Variants in RHBDD1 observed in about 807,000 individuals in gnomAD.
RHBDD1 encodes rhomboid-related protein 4.
Under a neutral mutation model 36.3 loss-of-function variants are expected in RHBDD1, and 38 were observed. That is an observed-to-expected ratio of 1.05 (90% confidence interval 0.81 to 1.37). The LOEUF is 1.37. Ranked by LOEUF, RHBDD1 falls within the 40% of genes most tolerant of loss-of-function variation. The probability of loss-of-function intolerance (pLI) is 0.00; values close to 1 mark genes in which losing one functional copy is unlikely to be tolerated. For synonymous variants in RHBDD1, 151 were observed against 136.5 expected (o/e 1.11, Z -0.74); for missense variants, 393 against 377.6 (o/e 1.04, Z -0.34).
intron 5 of RHBDD1, among the ~76,000 whole-genome samples, chr2:226,896,192 A>T (rs999660296): frequency 6.6e-6 from 1 of 152,160 alleles, no homozygotes; most frequent in Admixed American, 6.5e-5. Flanking sequence ...TTCTGATTAG[A>T]TGTCTCTATT....
At chr2:226,856,159 A>G (rs1202664870) in intron 3 of RHBDD1, among the ~76,000 whole-genome samples, 1 of 152,222 alleles carries the variant, frequency 6.6e-6, no homozygotes, top group Non-Finnish European at 1.5e-5. Flanking sequence ...GTGAAGCCAT[A>G]CTATCTGCTA....
chr2:226,884,245 A>G (rs1387026536), intron 5 of RHBDD1, among the ~76,000 whole-genome samples: 1 of 151,932 alleles, frequency 6.6e-6, no homozygotes, highest in African/African-American at 2.4e-5. Flanking sequence ...AAGTCATGGG[A>G]GTTAAATAGG....
At chr2:226,901,906 T>C (rs1385633683) in intron 5 of RHBDD1, among the ~76,000 whole-genome samples, 1 of 152,246 alleles carries the variant, frequency 6.6e-6, no homozygotes, top group East Asian at 1.9e-4. Context: ...ATGTATTTTA[T>C]GTGTAATTGA....
intron 5 of RHBDD1, among the ~76,000 whole-genome samples, chr2:226,869,642 GT>G (rs1032421576): frequency 6.6e-6 from 1 of 152,204 alleles, no homozygotes; most frequent in African/African-American, 2.4e-5. Context: ...CAGTTACAGA[GT>G]TTTATGAAGG....
At chr2:226,977,103 G>T (rs1954744820) in intron 8 of RHBDD1, among the ~76,000 whole-genome samples, 3 of 152,136 alleles carry the variant, frequency 2.0e-5, no homozygotes, top group South Asian at 4.1e-4. Flanking sequence ...TGGAAAAAGG[G>T]ATCTTTTTGG....
At chr2:226,909,174 C>G (rs1948323311) in intron 7 of RHBDD1, among the ~76,000 whole-genome samples, 1 of 152,130 alleles carries the variant, frequency 6.6e-6, no homozygotes, top group Non-Finnish European at 1.5e-5. Context: ...TTCTTTAAGT[C>G]TCAGTCTGAG....
chr2:226,988,468 G>C, intron 8 of RHBDD1: 2 of 1,547,154 alleles, frequency 1.3e-6, no homozygotes, highest in Non-Finnish European at 1.7e-6. Flanking sequence ...GAGGCTGCAG[G>C]GTCCCTGTAG....
intron 7 of RHBDD1, among the ~76,000 whole-genome samples, chr2:226,912,167 T>A (rs1429989281): frequency 6.6e-6 from 1 of 152,144 alleles, no homozygotes; most frequent in African/African-American, 2.4e-5. Context: ...CCACTTCATA[T>A]GCCCTAGGAT....
upstream of RHBDD1, among the ~76,000 whole-genome samples, chr2:226,832,360 A>G (rs1940764173): frequency 6.6e-6 from 1 of 152,166 alleles, no homozygotes; most frequent in South Asian, 2.1e-4. Flanking sequence ...TATGATCCCA[A>G]TTCTTTTAAA....
chr2:226,930,562 TC>T (rs1471764987), intron 8 of RHBDD1, among the ~76,000 whole-genome samples: 1 of 151,762 alleles, frequency 6.6e-6, no homozygotes, highest in Non-Finnish European at 1.5e-5. Context: ...AGGAAAAACT[TC>T]CCTGGACATT....
At chr2:226,832,598 T>C (rs1455995043), upstream of RHBDD1, among the ~76,000 whole-genome samples, 2 of 152,258 alleles carry the variant, frequency 1.3e-5, no homozygotes, top group Non-Finnish European at 2.9e-5. Context: ...TATATTTCTC[T>C]GTTCAATTCA....
At chr2:226,844,754 A>G (rs1281607847) in intron 3 of RHBDD1, among the ~76,000 whole-genome samples, 4 of 152,146 alleles carry the variant, frequency 2.6e-5, no homozygotes, top group African/African-American at 9.7e-5. Context: ...AACTTTAATG[A>G]GCCCTCATTA....
chr2:226,806,615 C>A, the RHBDD1 span, among the ~76,000 whole-genome samples: 1 of 152,166 alleles, frequency 6.6e-6, no homozygotes, highest in South Asian at 2.1e-4. Flanking sequence ...CATTTATAAA[C>A]ACATTGAACA....
intron 8 of RHBDD1, among the ~76,000 whole-genome samples, chr2:226,948,842 T>G (rs528802875): frequency 6.6e-5 from 10 of 152,242 alleles, no homozygotes; most frequent in African/African-American, 2.4e-4. Context: ...AGAGAGGAAG[T>G]CAAATTGTCT....
intron 8 of RHBDD1, among the ~76,000 whole-genome samples, chr2:226,970,881 G>A (rs1477507746): frequency 1.3e-5 from 2 of 152,120 alleles, no homozygotes; most frequent in Non-Finnish European, 1.5e-5. Flanking sequence ...GGACATTTGA[G>A]GACCTTCGTG....
rs1312906447 is a variant in RHBDD1 at position 226,839,405 on chromosome 2, A to G, written c.-309-4A>G. On this transcript the variant is annotated splice_region_variant and splice_polypyrimidine_tract_variant and intron_variant, in intron 2 of 8. Transcript: ENST00000392062. ...GCAATGGACCTCATATTTTTTTTCA[A>G]CAGGGAGCCTCTTAAACAGAATCTT... 6.6e-6 allele frequency: 1 copy of G among 152,144 alleles called. No individual in the cohort carries two copies. Among genetic ancestry groups the G allele is most frequent in the East Asian group, 1.9e-4 (1 of 5,198 alleles). 9.4% of individuals were successfully genotyped at this position (152,144 alleles called of 1,614,324 possible).
At chr2:226,947,742 A>C (rs1182757712) in intron 8 of RHBDD1, among the ~76,000 whole-genome samples, 2 of 152,218 alleles carry the variant, frequency 1.3e-5, no homozygotes, top group African/African-American at 4.8e-5. Context: ...CAACCCCATC[A>C]AAAAGTGGGC....
rs888763979 is a variant in RHBDD1 at position 226,995,647 on chromosome 2, C to A, written c.*125C>A. ...AGAGTACACCGGTATTGCTCCAGATCGCTCACATCACCTGGGACAGTCCCA... is the reference window on the plus strand; with the variant it reads ...AGAGTACACCGGTATTGCTCCAGATAGCTCACATCACCTGGGACAGTCCCA... On this transcript the variant is annotated 3_prime_UTR_variant, in exon 9 of 9. Coordinates refer to ENST00000392062, the MANE Select transcript of RHBDD1 (RefSeq NM_001167608.3). The A allele has an allele frequency of 9.9e-6, 7 of 706,888 alleles. No homozygotes were observed. The highest frequency in any genetic ancestry group is 2.3e-5 in the Admixed American group (1 of 42,576). The allele number at this position is 706,888 out of a possible 1,614,324, so 43.8% of individuals were successfully genotyped here. A position where few individuals can be genotyped will look rare whatever the true frequency, so the allele number is the denominator to read the frequency against.
At chr2:226,898,673 C>T (rs145384224) in intron 5 of RHBDD1, among the ~76,000 whole-genome samples, 9 of 152,306 alleles carry the variant, frequency 5.9e-5, no homozygotes, top group African/African-American at 2.2e-4. Flanking sequence ...AAGAAGCAAT[C>T]CTGTCAGAAT....
Sources: gnomAD v4.1 joint callset for allele counts (sites outside exome capture counted in the v4.1 genomes callset) on GRCh38, gnomAD v4.1.1 for gene constraint, MANE v1.5 for transcripts, NCBI Gene and HGNC (gene_info 2026-07-23, HGNC 2026-07-21) for gene names.